Variants in EPHB2 observed in about 807,000 individuals in gnomAD.
EPHB2 encodes ephrin type-B receptor 2.
Under a neutral mutation model 96.4 loss-of-function variants are expected in EPHB2, and 18 were observed. That is an observed-to-expected ratio of 0.19 (90% CI 0.13 to 0.28). The LOEUF is 0.28. EPHB2 is among the 10% of genes least tolerant of loss of function. The pLI is 1.00. For missense variants in EPHB2, 989 were observed against 1,355.4 expected, an observed-to-expected ratio of 0.73 and a Z score of 4.25; for synonymous variants, 506 against 534.1, an observed-to-expected ratio of 0.95 and a Z score of 0.72.
intron 3 of EPHB2, among the ~76,000 whole-genome samples, chr1:22,830,528 A>C (rs1176666894): frequency 6.6e-6 from 1 of 152,164 alleles, no homozygotes; most frequent in Admixed American, 6.5e-5. Flanking sequence ...GAGGCAAGGG[A>C]TACCTGGCCC....
chr1:22,841,588 G>A (rs533010672), intron 3 of EPHB2, among the ~76,000 whole-genome samples: 1 of 152,350 alleles, frequency 6.6e-6, no homozygotes, highest in East Asian at 1.9e-4. Context: ...GGGGTGGAAG[G>A]CATGCACGTG....
chr1:22,788,587 G>GA (rs1644644818), intron 3 of EPHB2, among the ~76,000 whole-genome samples: 1 of 152,164 alleles, frequency 6.6e-6, no homozygotes, highest in African/African-American at 2.4e-5. Flanking sequence ...CTCTAGCTTA[G>GA]GGCTTCTCAA....
chr1:22,878,330 G>C (rs954841128), intron 5 of EPHB2, among the ~76,000 whole-genome samples: 13 of 152,250 alleles, frequency 8.5e-5, no homozygotes, highest in African/African-American at 2.9e-4. Flanking sequence ...GGACCCCAGA[G>C]CTCCATGCCA....
rs1639443247 is a variant in EPHB2, at chr1:22,893,011, A to G, written c.1556A>G (p.Tyr519Cys). The G allele has an allele frequency of 6.2e-7, 1 of 1,614,216 alleles. No homozygotes were observed. The highest frequency in any genetic ancestry group is 8.5e-7 in the Non-Finnish European group (1 of 1,180,026). Residue 519 changes from tyrosine to cysteine, a missense_variant, in exon 7 of 16, where the codon TAC (tyrosine) becomes TGC (cysteine). Transcript: ENST00000374630. ...CGCACCGTGGCAGGTTACGGGCGCTACAGCGGCAAGATGTACTTCCAGACC... is the reference window on the plus strand; with the variant it reads ...CGCACCGTGGCAGGTTACGGGCGCTGCAGCGGCAAGATGTACTTCCAGACC... ...RARTVAGYGR[Y>C]SGKMYFQTMT...
rs550355791 is a variant in EPHB2, at chr1:22,820,589, GGAGGTTGAGGCTGCAGT to G, written c.811+35517_811+35533del. ...GAGGTGGGAGGATCACTTGAGCCCA[GGAGGTTGAGGCTGCAGT>G]GAGTCATGATTGCACCACTGCACTC... On this transcript the variant is annotated intron_variant, in intron 3 of 15. Coordinates refer to ENST00000374630, the MANE Select transcript of EPHB2 (RefSeq NM_017449.5). Among the ~76,000 whole-genome samples, 83 of 152,268 alleles carry G rather than the reference GGAGGTTGAGGCTGCAGT, an allele frequency of 5.5e-4. No homozygotes were observed. In the Middle Eastern group the frequency reaches 0.024, roughly 44 times the overall value.
chr1:22,752,063 A>G (rs186177565), intron 1 of EPHB2, among the ~76,000 whole-genome samples: 84 of 152,332 alleles, frequency 5.5e-4, no homozygotes, highest in African/African-American at 1.9e-3. Context: ...TCCCAGCCTC[A>G]GTTTCTTCAT....
intron 1 of EPHB2, among the ~76,000 whole-genome samples, chr1:22,769,650 C>A (rs1475066670): frequency 6.6e-6 from 1 of 152,190 alleles, no homozygotes; most frequent in African/African-American, 2.4e-5. Context: ...TCCAGCGATT[C>A]ACCCACCTCA....
intron 1 of EPHB2, among the ~76,000 whole-genome samples, chr1:22,768,824 T>C (rs559787307): frequency 2.4e-4 from 36 of 152,214 alleles, no homozygotes; most frequent in African/African-American, 8.4e-4. Flanking sequence ...AGCTGTTCTT[T>C]CTGCCCGAGA....
intron 3 of EPHB2, among the ~76,000 whole-genome samples, chr1:22,814,402 A>C (rs756594219): frequency 1.3e-5 from 2 of 152,064 alleles, no homozygotes; most frequent in Admixed American, 6.5e-5. Context: ...TGGGAGCAGG[A>C]GGCGGTGTCC....
chr1:22,733,109 C>T lies in EPHB2; in HGVS notation c.61+22066C>T, dbSNP rs145514169. Reference sequence around the variant, plus strand: ...TGTCGCCCAGACTGGAATGCAATGGCGTAGTCTTGGCTCACTGCAACCTCT... The same window carrying T: ...TGTCGCCCAGACTGGAATGCAATGGTGTAGTCTTGGCTCACTGCAACCTCT... On this transcript the variant is annotated intron_variant, in intron 1 of 15. Transcript: ENST00000374630. The surrounding 1 kb of genome is among the most constrained non-coding windows in gnomAD (Gnocchi z 4.6). 3.0e-4 allele frequency among the ~76,000 whole-genome samples: 46 copies of T among 152,004 alleles called. No individual in the cohort carries two copies. Among genetic ancestry groups the T allele is most frequent in the Middle Eastern group, 3.4e-3 (1 of 294 alleles).
chr1:22,921,257 AC>A lies in EPHB2; in HGVS notation c.*7690del, dbSNP rs1203039339. 1 of 152,036 alleles carries A rather than the reference AC, an allele frequency of 6.6e-6. No homozygotes were observed. The highest frequency in any genetic ancestry group is 2.4e-5 in the African/African-American group (1 of 41,388). The allele number at this position is 152,036 out of a possible 1,614,324, so 9.4% of individuals were successfully genotyped here. On this transcript the variant is annotated 3_prime_UTR_variant, in exon 16 of 16. Coordinates refer to ENST00000374630, the MANE Select transcript of EPHB2 (RefSeq NM_017449.5). ...GGGCTGTCTGGCAGGGTTTCCCAGA[AC>A]CCTGTTTCCTGTGGTCATAAATATG... is the stretch of plus-strand genomic sequence containing the variant.
chr1:22,873,925 A>G (rs1638753977), intron 5 of EPHB2, among the ~76,000 whole-genome samples: 2 of 152,192 alleles, frequency 1.3e-5, no homozygotes, highest in African/African-American at 2.4e-5. Context: ...CTAGCTAAGA[A>G]CCAGGATTTT....
At chr1:22,845,440 T>C (rs1460892296) in intron 3 of EPHB2, among the ~76,000 whole-genome samples, 3 of 152,142 alleles carry the variant, frequency 2.0e-5, no homozygotes, top group Non-Finnish European at 4.4e-5. Flanking sequence ...TAGGAAGTTG[T>C]GGTCTCAAGC....
At chr1:22,757,132 G>GGA (rs1354087783) in intron 1 of EPHB2, among the ~76,000 whole-genome samples, 1 of 152,070 alleles carries the variant, frequency 6.6e-6, no homozygotes, top group African/African-American at 2.4e-5. Flanking sequence ...ATGGTGGGTG[G>GGA]GAGAGGGCCT....
chr1:22,909,748 TG>T (rs1347309899), intron 13 of EPHB2, among the ~76,000 whole-genome samples: 6 of 152,114 alleles, frequency 3.9e-5, no homozygotes, highest in African/African-American at 1.4e-4. Context: ...TTAGCAAAAA[TG>T]AAGACAGGAA....
intron 1 of EPHB2, among the ~76,000 whole-genome samples, chr1:22,720,040 G>A (rs1398013637): frequency 6.6e-6 from 1 of 152,146 alleles, no homozygotes; most frequent in Admixed American, 6.5e-5. Flanking sequence ...ATACATCTTT[G>A]AGGCCCTCAT....
chr1:22,735,687 A>C (rs983049862), intron 1 of EPHB2, among the ~76,000 whole-genome samples: 1 of 152,164 alleles, frequency 6.6e-6, no homozygotes, highest in Non-Finnish European at 1.5e-5. Flanking sequence ...ATGATGGGAA[A>C]GTCTGCAATT....
At chr1:22,785,246 C>T (rs1199969075) in intron 3 of EPHB2, among the ~76,000 whole-genome samples, 170 bp downstream of exon 3, 1 of 152,216 alleles carries the variant, frequency 6.6e-6, no homozygotes, top group Non-Finnish European at 1.5e-5. Context: ...TAGAGGGAGG[C>T]ACTTGAATAT....
rs778390024 is a variant in EPHB2, at chr1:22,775,275, C to T, written c.62-6146C>T. On this transcript the variant is annotated intron_variant, in intron 1 of 15. Coordinates refer to ENST00000374630, the MANE Select transcript of EPHB2 (RefSeq NM_017449.5). ...TTCTCCTGTCTGGCCTCAGTTTCCT[C>T]GTCTGTGAAATGGGGTTAATAATAG... 36 of 779,458 alleles carry T rather than the reference C, an allele frequency of 4.6e-5. 1 individual carries two copies. The highest frequency in any genetic ancestry group is 3.6e-4 in the South Asian group (27 of 74,564). The allele number at this position is 779,458 out of a possible 1,614,324, so 48.3% of individuals were successfully genotyped here.
Sources: gnomAD v4.1 joint callset for allele counts (sites outside exome capture counted in the v4.1 genomes callset) on GRCh38, gnomAD v4.1.1 for gene constraint, Gnocchi (gnomAD v3.1) non-coding constraint, MANE v1.5 for transcripts, NCBI Gene and HGNC (gene_info 2026-07-23, HGNC 2026-07-21) for gene names.